The following LY6G6C variants were observed in gnomAD, a reference collection of about 807,000 sequenced individuals.
LY6G6C encodes lymphocyte antigen 6 family member G6C.
LY6G6C carries 12 observed loss-of-function variants against 12.8 expected under a neutral mutation model. The ratio of observed to expected loss-of-function variants is 0.94; its 90% CI spans 0.60 to 1.52. The LOEUF is 1.52. Among genes scored for constraint, LY6G6C ranks in the 40% most tolerant of loss-of-function variants. The pLI is 0.00. For missense variants in LY6G6C, 125 were observed against 155.8 expected, an observed-to-expected ratio of 0.80 and a Z score of 1.05; for synonymous variants, 42 against 61.6, an observed-to-expected ratio of 0.68 and a Z score of 1.49.
chr6:31,721,535 T>A, intron 1 of LY6G6C, 93 bp downstream of exon 1: 1 of 1,199,306 alleles, frequency 8.3e-7, no homozygotes, highest in East Asian at 2.4e-5. Flanking sequence ...GGTGTTGGGA[T>A]CCCGAGTGGT....
At position 31,719,177 on chromosome 6, in the gene LY6G6C, G is replaced by T. The variant is rs148542263; in HGVS notation, c.297C>A (p.Ser99Arg). Reference sequence around the variant, plus strand: ...GGGCTGGAGTGGGCCGGGGTCCTGCGCTGTTGCAGTTGTCCTTGTTGCAGC... The same window carrying T: ...GGGCTGGAGTGGGCCGGGGTCCTGCTCTGTTGCAGTTGTCCTTGTTGCAGC... ...TTCCNKDNCN[S>R]AGPRPTPALG... Residue 99 changes from serine to arginine, a missense_variant, in exon 3 of 3, where the codon AGC (serine) becomes AGA (arginine). Physicochemically the swap from Ser to Arg is moderately radical, Grantham distance 110. Coordinates refer to ENST00000375819, the MANE Select transcript of LY6G6C (RefSeq NM_025261.3). 1 of 1,614,100 alleles carries T rather than the reference G, an allele frequency of 6.2e-7. No individual in the cohort carries two copies. The highest frequency in any genetic ancestry group is 8.5e-7 in the Non-Finnish European group (1 of 1,180,006).
In LY6G6C at chr6:31,719,059, A is replaced by G. The variant is rs770165746; in HGVS notation, c.*37T>C. The G allele has an allele frequency of 6.4e-7, 1 of 1,570,930 alleles. No homozygotes were observed. Among genetic ancestry groups the G allele is most frequent in the South Asian group, 1.1e-5 (1 of 89,572 alleles). On this transcript the variant is annotated 3_prime_UTR_variant, in exon 3 of 3. Coordinates refer to ENST00000375819, the MANE Select transcript of LY6G6C (RefSeq NM_025261.3). Reference sequence around the variant, plus strand: ...GACACAGGGAGAGAGGCTCAGGCCAAGGCAGGTGGGAGGAGGGGCAGCCAA... The same window carrying G: ...GACACAGGGAGAGAGGCTCAGGCCAGGGCAGGTGGGAGGAGGGGCAGCCAA...
In LY6G6C at chr6:31,720,305, T is replaced by G; in HGVS notation, c.53-102A>C. On this transcript the variant is annotated intron_variant, in intron 1 of 2. Transcript: ENST00000375819. The surrounding 1 kb of genome is among the most constrained non-coding windows in gnomAD (Gnocchi z 4.9). ...GGAGGGTGGAGAAGAGCCCATCCCG[T>G]AGGTGCTCCAACCTGTTTGGCTGTT... is the stretch of plus-strand genomic sequence containing the variant. 1.3e-6 allele frequency: 1 copy of G among 760,888 alleles called. No individual in the cohort carries two copies. Among genetic ancestry groups the G allele is most frequent in the South Asian group, 1.6e-5 (1 of 62,678 alleles). The allele number at this position is 760,888 out of a possible 1,614,324, so 47.1% of individuals were successfully genotyped here.
chr6:31,719,346 G>A lies in LY6G6C; in HGVS notation c.164-36C>T, dbSNP rs990011587. The A allele has an allele frequency of 5.1e-6, 8 of 1,583,290 alleles. No homozygotes were observed. In the African/African-American group the frequency reaches 9.4e-5, roughly 19 times the overall value. On this transcript the variant is annotated intron_variant, in intron 2 of 2. Transcript: ENST00000375819. Reference sequence around the variant, plus strand: ...GAATGGGCAGGGAATCGGCCAGGATGGGCACCTGGCATGCCTGTGTCCACC... The same window carrying A: ...GAATGGGCAGGGAATCGGCCAGGATAGGCACCTGGCATGCCTGTGTCCACC...
intron 2 of LY6G6C, 106 bp from the exon 3 acceptor site, chr6:31,719,416 T>C: frequency 2.2e-6 from 2 of 895,616 alleles, no homozygotes; most frequent in Admixed American, 2.0e-5. Flanking sequence ...TTCCCAACTC[T>C]GTCCCTGGCC....
chr6:31,719,540 G>GT (rs985933247), intron 2 of LY6G6C, among the ~76,000 whole-genome samples: 3 of 151,968 alleles, frequency 2.0e-5, no homozygotes, highest in African/African-American at 7.2e-5. Flanking sequence ...TCTGTTTTTT[G>GT]TTTTTTTGTT....
At position 31,720,484 on chromosome 6, in the gene LY6G6C, T is replaced by C. The variant is rs903124934; in HGVS notation, c.53-281A>G. 6.6e-6 allele frequency among the ~76,000 whole-genome samples: 1 copy of C among 151,964 alleles called. No homozygotes were observed. Among genetic ancestry groups the C allele is most frequent in the Non-Finnish European group, 1.5e-5 (1 of 68,000 alleles). On this transcript the variant is annotated intron_variant, in intron 1 of 2. Transcript: ENST00000375819. The surrounding 1 kb of genome is among the most constrained non-coding windows in gnomAD (Gnocchi z 4.9). ...AGGTGAGTCAAGAGGGACAGAACTA[T>C]GAAGAAAAACATGGGGCTGGAGATA...
At position 31,719,199 on chromosome 6, in the gene LY6G6C, C is replaced by G; in HGVS notation, c.275G>C (p.Cys92Ser). 6.2e-7 allele frequency: 1 copy of G among 1,614,190 alleles called. No individual in the cohort carries two copies. Among genetic ancestry groups the G allele is most frequent in the Non-Finnish European group, 8.5e-7 (1 of 1,180,028 alleles). ...TGCGCTGTTGCAGTTGTCCTTGTTG[C>G]AGCAGGTGGTGTTATATGTCAGACC... ...KLGLTYNTTC[C>S]NKDNCNSAGP... The change falls in exon 3 of 3, where the codon TGC becomes TCC. Residue 92 changes from cysteine (C) to serine (S), a missense_variant. Transcript: ENST00000375819.
chr6:31,719,227 G>C lies in LY6G6C; in HGVS notation c.247C>G (p.Leu83Val). The change falls in exon 3 of 3, where the codon CTG becomes GTG. Residue 83 changes from leucine (L) to valine (V), a missense_variant. By Grantham distance (32) the Leu-to-Val change is conservative. Coordinates refer to ENST00000375819, the MANE Select transcript of LY6G6C (RefSeq NM_025261.3). ...CAGGTGGTGTTATATGTCAGACCCA[G>C]CTTGCGGTTGGTTTGGTTGAAGGCC... ...QEAFNQTNRK[L>V]GLTYNTTCCN... 6.2e-7 allele frequency: 1 copy of C among 1,614,214 alleles called. No homozygotes were observed. Among genetic ancestry groups the C allele is most frequent in the Non-Finnish European group, 8.5e-7 (1 of 1,180,020 alleles).
In LY6G6C at chr6:31,720,274, AG is replaced by A; in HGVS notation, c.53-72del. On this transcript the variant is annotated intron_variant, in intron 1 of 2. Transcript: ENST00000375819. This position sits in a 1 kb window ranked among gnomAD's most constrained non-coding sequence, Gnocchi z 4.9. ...CCTGGGGATAAGCTGAGCTGGGGGC[AG>A]GGGTGGAGGGTGGAGAAGAGCCCAT... The A allele has an allele frequency of 9.1e-7, 1 of 1,100,862 alleles. No individual in the cohort carries two copies. The highest frequency in any genetic ancestry group is 1.4e-6 in the Non-Finnish European group (1 of 726,754). 68.2% of individuals were successfully genotyped at this position (1,100,862 alleles called of 1,614,324 possible).
Position 31,719,039 on chromosome 6 carries a change from A to G in LY6G6C, c.*57T>C. The G allele has an allele frequency of 1.4e-6, 2 of 1,435,702 alleles. No individual in the cohort carries two copies. The highest frequency in any genetic ancestry group is 3.8e-4 in the Middle Eastern group (2 of 5,256). 88.9% of individuals were successfully genotyped at this position (1,435,702 alleles called of 1,614,324 possible). Reference sequence around the variant, plus strand: ...GTAAAGCCAGGGGATACAGAGACACAGGGAGAGAGGCTCAGGCCAAGGCAG... The same window carrying G: ...GTAAAGCCAGGGGATACAGAGACACGGGGAGAGAGGCTCAGGCCAAGGCAG... On this transcript the variant is annotated 3_prime_UTR_variant, in exon 3 of 3. Coordinates refer to ENST00000375819, the MANE Select transcript of LY6G6C (RefSeq NM_025261.3).
chr6:31,718,830 A>C lies in LY6G6C; in HGVS notation c.*266T>G. ...CCCAGATCCCAATCCCTCCTCAAGTAGGGGACAGCAGAGTATAGGAAGCAA... is the reference window on the plus strand; with the variant it reads ...CCCAGATCCCAATCCCTCCTCAAGTCGGGGACAGCAGAGTATAGGAAGCAA... On this transcript the variant is annotated 3_prime_UTR_variant, in exon 3 of 3. Transcript: ENST00000375819. 1.9e-6 allele frequency: 1 copy of C among 524,666 alleles called. No individual in the cohort carries two copies. Among genetic ancestry groups the C allele is most frequent in the South Asian group, 3.1e-5 (1 of 32,152 alleles). The allele number at this position is 524,666 out of a possible 1,614,324, so 32.5% of individuals were successfully genotyped here.
At chr6:31,721,528 G>A in intron 1 of LY6G6C, 100 bp downstream of exon 1, 2 of 1,110,172 alleles carry the variant, frequency 1.8e-6, no homozygotes, top group South Asian at 1.4e-5. Flanking sequence ...GGCTGGGGGT[G>A]TTGGGATCCC....
rs1374497007 is a variant in LY6G6C, at chr6:31,718,669, TC to T, written c.*426del. 1 of 199,648 alleles carries T rather than the reference TC, an allele frequency of 5.0e-6. No individual in the cohort carries two copies. Among genetic ancestry groups the T allele is most frequent in the African/African-American group, 2.3e-5 (1 of 43,148 alleles). The allele number at this position is 199,648 out of a possible 1,614,324, so 12.4% of individuals were successfully genotyped here. A position where few individuals can be genotyped will look rare whatever the true frequency, so the allele number is the denominator to read the frequency against. On this transcript the variant is annotated 3_prime_UTR_variant, in exon 3 of 3. Coordinates refer to ENST00000375819, the MANE Select transcript of LY6G6C (RefSeq NM_025261.3). ...TTTATCAGACTCAGACATTTATTAC[TC>T]AAAATGGAAAGAGGTGAGTATGGGG...
chr6:31,721,582 G>T (rs776426052), intron 1 of LY6G6C, 46 bp downstream of exon 1: 3 of 1,588,138 alleles, frequency 1.9e-6, no homozygotes, highest in South Asian at 1.1e-5. Flanking sequence ...AGGGTGTAAA[G>T]GTCCTGACCA....
chr6:31,721,611 G>C lies in LY6G6C; in HGVS notation c.52+17C>G, dbSNP rs376207722. On this transcript the variant is annotated intron_variant, in intron 1 of 2. Transcript: ENST00000375819. ...CTGACCAGGCAAACCAGGTCTTTGG[G>C]GCCCCCAGGTGCTCACCTGAGACCC... 4.8e-5 allele frequency: 78 copies of C among 1,613,100 alleles called. No individual in the cohort carries two copies. The highest frequency in any genetic ancestry group is 1.7e-4 in the Middle Eastern group (1 of 5,908).
At chr6:31,721,230 G>A (rs1454002337) in intron 1 of LY6G6C, among the ~76,000 whole-genome samples, 3 of 152,236 alleles carry the variant, frequency 2.0e-5, no homozygotes, top group East Asian at 1.9e-4. Flanking sequence ...CTAGGTCTTC[G>A]AGAGGACACC....
chr6:31,721,562 T>A, intron 1 of LY6G6C, 66 bp downstream of exon 1: 1 of 1,471,758 alleles, frequency 6.8e-7, no homozygotes, highest in Non-Finnish European at 9.4e-7. Flanking sequence ...GGCCGGGAAG[T>A]GGGTAGAGCA....
rs1806629639 is a variant in LY6G6C at position 31,718,956 on chromosome 6, G to A, written c.*140C>T. 1.4e-6 allele frequency: 1 copy of A among 697,392 alleles called. No individual in the cohort carries two copies. The highest frequency in any genetic ancestry group is 1.8e-5 in the African/African-American group (1 of 56,066). 43.2% of individuals were successfully genotyped at this position (697,392 alleles called of 1,614,324 possible). A position where few individuals can be genotyped will look rare whatever the true frequency, so the allele number is the denominator to read the frequency against. On this transcript the variant is annotated 3_prime_UTR_variant, in exon 3 of 3. Transcript: ENST00000375819. Reference sequence around the variant, plus strand: ...GGTGTGAGGTGGGAAGGATGGATGAGGAGACCACTCGGAACAGTGTTTAAT... The same window carrying A: ...GGTGTGAGGTGGGAAGGATGGATGAAGAGACCACTCGGAACAGTGTTTAAT...
Sources: gnomAD v4.1 joint callset for allele counts (sites outside exome capture counted in the v4.1 genomes callset) on GRCh38, gnomAD v4.1.1 for gene constraint, Gnocchi (gnomAD v3.1) non-coding constraint, MANE v1.5 for transcripts, NCBI Gene and HGNC (gene_info 2026-07-23, HGNC 2026-07-21) for gene names.